NEK5: variants seen among roughly 807,000 people sequenced by gnomAD.
NEK5 encodes NIMA related kinase 5.
A neutral mutation model predicts 109.2 loss-of-function variants in NEK5; 88 were observed. The observed-to-expected ratio is 0.81, with a 90% CI of 0.68 to 0.96. NEK5 has a LOEUF of 0.96. Among genes scored for constraint, NEK5 ranks in the 40% least tolerant of loss-of-function variants. The pLI, the probability that NEK5 is intolerant of heterozygous loss-of-function variation, is 0.00. For missense variants in NEK5, 834 were observed against 920.7 expected (o/e 0.91, Z 1.22); for synonymous variants, 283 against 299.9 (o/e 0.94, Z 0.58).
At position 52,101,970 on chromosome 13, in the gene NEK5, T is replaced by A. The variant is rs1208485680; in HGVS notation, c.855A>T (p.Gly285=). Residue 285 remains glycine, a synonymous_variant, in exon 11 of 24, where the codon GGA becomes GGT. Coordinates refer to ENST00000684899, the MANE Select transcript of NEK5 (RefSeq NM_001365552.1). The part of the protein sequence containing the change: ...EFSHMLICRA[G]APASRHAGKV... ...TCCCAGCATGTCGAGAAGCTGGCGC[T>A]CCTGCTCTGCATATAAGCATGTGAC... The A allele has an allele frequency of 1.9e-6, 3 of 1,614,082 alleles. No individual in the cohort carries two copies. Among genetic ancestry groups the A allele is most frequent in the African/African-American group, 2.7e-5 (2 of 74,934 alleles).
intron 14 of NEK5, 119 bp downstream of exon 14, chr13:52,089,128 G>A (rs1247455218): frequency 2.0e-6 from 1 of 512,716 alleles, no homozygotes; most frequent in Non-Finnish European, 3.5e-6. Flanking sequence ...AAAAAAAACT[G>A]GGGACTAGTA....
intron 4 of NEK5, among the ~76,000 whole-genome samples, chr13:52,113,701 A>G (rs1468811118): frequency 6.6e-6 from 1 of 151,284 alleles, no homozygotes; most frequent in Non-Finnish European, 1.5e-5. Context: ...ATATGTCTGT[A>G]TAATTGCTAG....
Position 52,127,368 on chromosome 13 carries a change from T to A in NEK5, c.115A>T (p.Lys39Ter), listed in dbSNP as rs780278736. The A allele has an allele frequency of 2.0e-6, 3 of 1,537,748 alleles. No homozygotes were observed. The highest frequency in any genetic ancestry group is 9.0e-7 in the Non-Finnish European group (1 of 1,111,100). ...HCVIKEINFE[K>*]MPIQEKEASK... Reference sequence around the variant, plus strand: ...CAGAAATTTGAACTTAACTTTACCTTTTCAAAATTGATCTCTTTTATGACA... The same window carrying A: ...CAGAAATTTGAACTTAACTTTACCTATTCAAAATTGATCTCTTTTATGACA... Residue 39 changes from lysine (K) to a stop codon, truncating the protein, a stop_gained and splice_region_variant, in exon 3 of 24, where the codon AAG (lysine) becomes TAG (stop). Transcript: ENST00000684899. LOFTEE classifies it high-confidence loss of function.
chr13:52,064,465 C>T (rs1391973567), intron 21 of NEK5, among the ~76,000 whole-genome samples: 3 of 145,092 alleles, frequency 2.1e-5, no homozygotes, highest in East Asian at 2.2e-4. Context: ...GTCAGCCCCC[C>T]GCCCGGCCAG....
At chr13:52,049,075 C>T (rs1005991445) in intron 23 of NEK5, among the ~76,000 whole-genome samples, 3 of 152,088 alleles carry the variant, frequency 2.0e-5, no homozygotes, top group African/African-American at 4.8e-5. Context: ...TATTTCAAAA[C>T]ATCATGTTGT....
At chr13:52,045,299 T>A (rs1415887102) in intron 23 of NEK5, among the ~76,000 whole-genome samples, 1 of 150,390 alleles carries the variant, frequency 6.6e-6, no homozygotes, top group Non-Finnish European at 1.5e-5. Context: ...CCGGCTAATT[T>A]TTTTGTATTT....
At chr13:52,110,641 T>TGGTCTTG in intron 5 of NEK5, 64 bp from the exon 6 acceptor site, 1 of 912,452 alleles carries the variant, frequency 1.1e-6, no homozygotes, top group Non-Finnish European at 1.8e-6. Context: ...GTCTTCATGG[T>TGGTCTTG]AACATGCAAA....
At chr13:52,084,769 GTGTGTGTGTGTGTGTGTGT>G in intron 16 of NEK5, among the ~76,000 whole-genome samples, 1 of 48,674 alleles carries the variant, frequency 2.1e-5, no homozygotes, top group Non-Finnish European at 5.3e-5. Context: ...GAGAGTGTGT[GTGTGTGTGTGTGTGTGTGT>G]GTGTGTGTGT....
chr13:52,082,175 C>G (rs943615344), intron 17 of NEK5: 3 of 254,654 alleles, frequency 1.2e-5, no homozygotes, highest in African/African-American at 7.1e-5. Context: ...ATTAGCTGGG[C>G]GCGGTGGCAG....
At chr13:52,083,163 T>C in intron 17 of NEK5, 97 bp downstream of exon 17, 1 of 770,902 alleles carries the variant, frequency 1.3e-6, no homozygotes, top group South Asian at 1.6e-5. Flanking sequence ...AAAAAAAAAG[T>C]TCCCTACGTG....
chr13:52,046,236 G>C (rs997082454), intron 23 of NEK5, among the ~76,000 whole-genome samples: 1 of 150,586 alleles, frequency 6.6e-6, no homozygotes, highest in Non-Finnish European at 1.5e-5. Flanking sequence ...TAACCCCTTG[G>C]GGGGCCAAGG....
intron 20 of NEK5, among the ~76,000 whole-genome samples, chr13:52,071,702 C>T (rs1038002137): frequency 6.6e-6 from 1 of 152,078 alleles, no homozygotes; most frequent in Non-Finnish European, 1.5e-5. Flanking sequence ...GTCTGGAGCT[C>T]CTGGGAGAAG....
chr13:52,044,338 C>T (rs958636626), intron 23 of NEK5, among the ~76,000 whole-genome samples: 2 of 152,186 alleles, frequency 1.3e-5, no homozygotes, highest in Non-Finnish European at 2.9e-5. Flanking sequence ...CATACAACTC[C>T]GCCATTCCAC....
At chr13:52,066,673 G>A (rs1031205931) in intron 20 of NEK5, among the ~76,000 whole-genome samples, 95 of 151,888 alleles carry the variant, frequency 6.3e-4, no homozygotes, top group African/African-American at 1.9e-3. Flanking sequence ...GCGTGGTAGC[G>A]GGTGCCTGTA....
chr13:52,126,507 G>A (rs972009444), intron 3 of NEK5, among the ~76,000 whole-genome samples: 3 of 152,222 alleles, frequency 2.0e-5, no homozygotes, highest in Admixed American at 1.3e-4. Context: ...GCCAGAAGCA[G>A]TGGCTCAAGC....
At chr13:52,083,126 C>T in intron 17 of NEK5, 134 bp downstream of exon 17, 3 of 586,408 alleles carry the variant, frequency 5.1e-6, no homozygotes, top group Non-Finnish European at 6.1e-6. Flanking sequence ...AACCTGGCGA[C>T]AGAGTGAGAC....
chr13:52,095,007 T>A (rs1955373431), intron 12 of NEK5, among the ~76,000 whole-genome samples: 1 of 152,200 alleles, frequency 6.6e-6, no homozygotes, highest in Admixed American at 6.5e-5. Flanking sequence ...AGCTTCAAAC[T>A]CCTGGGATCC....
chr13:52,065,132 TAA>T (rs113686547), intron 21 of NEK5: 309 of 281,488 alleles, frequency 1.1e-3, no homozygotes, highest in Middle Eastern at 3.3e-3. Flanking sequence ...AAATAAAAAT[TAA>T]AAAAAAAAAA....
intron 17 of NEK5, among the ~76,000 whole-genome samples, chr13:52,081,035 T>A (rs531139600): frequency 6.6e-6 from 1 of 151,312 alleles, no homozygotes; most frequent in East Asian, 1.9e-4. Flanking sequence ...TGGGTATGTT[T>A]GGGGGAAATG....
Sources: allele counts gnomAD v4.1 joint callset (sites outside exome capture counted in the v4.1 genomes callset), GRCh38; gene constraint gnomAD v4.1.1; transcripts MANE v1.5; gene names NCBI Gene and HGNC (gene_info 2026-07-23, HGNC 2026-07-21).